CHN2: variants seen among roughly 807,000 people sequenced by gnomAD.
CHN2 encodes the protein chimerin 2, also known as beta-chimaerin.
In CHN2, 35 loss-of-function variants were observed where a neutral mutation model predicts 56.3. The observed-to-expected ratio is 0.62, with a 90% confidence interval of 0.47 to 0.82. The LOEUF is 0.82. Among genes scored for constraint, CHN2 ranks in the 40% least tolerant of loss-of-function variants. CHN2 has a pLI of 0.00. For synonymous variants in CHN2, 210 were observed against 212.8 expected (o/e 0.99, Z 0.12); for missense variants, 491 against 580.5 (o/e 0.85, Z 1.58).
intron 6 of CHN2, among the ~76,000 whole-genome samples, chr7:29,464,094 C>T (rs576251022): frequency 3.3e-4 from 50 of 152,218 alleles, no homozygotes; most frequent in Non-Finnish European, 2.9e-5. Flanking sequence ...GTTCAGGGTA[C>T]AGCAGGATGG....
intron 1 of CHN2, among the ~76,000 whole-genome samples, chr7:29,203,648 T>C (rs1784320887): frequency 6.6e-6 from 1 of 152,186 alleles, no homozygotes; most frequent in African/African-American, 2.4e-5. Flanking sequence ...CCAGTGAGAA[T>C]GTTCTAACCT....
intron 3 of CHN2, among the ~76,000 whole-genome samples, chr7:29,390,109 T>C (rs954101273): frequency 6.0e-5 from 9 of 150,370 alleles, no homozygotes; most frequent in Non-Finnish European, 1.2e-4. Flanking sequence ...CCATATACAG[T>C]GAAACCCTCT....
intron 1 of CHN2, among the ~76,000 whole-genome samples, chr7:29,248,568 G>A (rs908061338): frequency 2.4e-4 from 36 of 152,212 alleles, no homozygotes; most frequent in Non-Finnish European, 2.1e-4. Flanking sequence ...CCAAAACACA[G>A]TTCTGATCGT....
At chr7:29,441,326 C>T (rs918639641) in intron 6 of CHN2, among the ~76,000 whole-genome samples, 1 of 152,058 alleles carries the variant, frequency 6.6e-6, no homozygotes, top group Non-Finnish European at 1.5e-5. Context: ...GATCAACAAC[C>T]TAATATTGGA....
chr7:29,296,355 G>C (rs981962286), intron 1 of CHN2, among the ~76,000 whole-genome samples: 3 of 152,176 alleles, frequency 2.0e-5, no homozygotes, highest in Admixed American at 6.5e-5. Context: ...AAAGTGCTGG[G>C]ATTACAGGTG....
At chr7:29,204,220 G>A (rs559136004) in intron 1 of CHN2, among the ~76,000 whole-genome samples, 2 of 150,806 alleles carry the variant, frequency 1.3e-5, no homozygotes, top group Admixed American at 1.3e-4. Flanking sequence ...GTATGTGTGT[G>A]TATATATGTA....
chr7:29,209,939 A>G (rs1346844798), intron 1 of CHN2, among the ~76,000 whole-genome samples: 1 of 152,178 alleles, frequency 6.6e-6, no homozygotes, highest in African/African-American at 2.4e-5. Flanking sequence ...CGTAAAGATC[A>G]CTGGATGAGG....
At chr7:29,191,048 C>G (rs1353094488), upstream of CHN2, among the ~76,000 whole-genome samples, 1 of 152,088 alleles carries the variant, frequency 6.6e-6, no homozygotes, top group Non-Finnish European at 1.5e-5. Flanking sequence ...AATTCTCCCC[C>G]CTCAGCCTCC....
chr7:29,406,925 T>A (rs1307187522), intron 6 of CHN2, among the ~76,000 whole-genome samples: 6 of 152,146 alleles, frequency 3.9e-5, no homozygotes, highest in Non-Finnish European at 8.8e-5. Context: ...CAAGCACTGA[T>A]TGAATGAAAA....
At chr7:29,271,482 G>A (rs1196601471) in intron 1 of CHN2, among the ~76,000 whole-genome samples, 2 of 152,190 alleles carry the variant, frequency 1.3e-5, no homozygotes, top group African/African-American at 4.8e-5. Context: ...GTGTCTGTTT[G>A]GCTGGGTGCC....
At chr7:29,374,687 A>G (rs761271280) in intron 3 of CHN2, among the ~76,000 whole-genome samples, 2 of 152,206 alleles carry the variant, frequency 1.3e-5, no homozygotes, top group Non-Finnish European at 2.9e-5. Context: ...CCAAGACATA[A>G]GATGAGGCAA....
At chr7:29,413,238 G>A (rs544190655) in intron 6 of CHN2, among the ~76,000 whole-genome samples, 13 of 152,270 alleles carry the variant, frequency 8.5e-5, no homozygotes, top group African/African-American at 3.1e-4. Context: ...GTTTACACAT[G>A]CAACTTTGAT....
chr7:29,470,747 C>G (rs1022623382), intron 6 of CHN2, among the ~76,000 whole-genome samples: 5 of 152,216 alleles, frequency 3.3e-5, no homozygotes, highest in Admixed American at 3.3e-4. Flanking sequence ...AGGGATTTCC[C>G]AGGCTCCCCT....
At chr7:29,444,179 A>C (rs1416179681) in intron 6 of CHN2, among the ~76,000 whole-genome samples, 1 of 152,238 alleles carries the variant, frequency 6.6e-6, no homozygotes, top group Non-Finnish European at 1.5e-5. Context: ...AAATATTGGA[A>C]GTCTATATAT....
chr7:29,364,993 G>T, intron 2 of CHN2, among the ~76,000 whole-genome samples: 1 of 152,180 alleles, frequency 6.6e-6, no homozygotes, highest in Admixed American at 6.5e-5. Flanking sequence ...TTTTGGTTGT[G>T]TGTGTGTCTG....
At chr7:29,307,306 A>C (rs185367158) in intron 1 of CHN2, among the ~76,000 whole-genome samples, 1 of 152,368 alleles carries the variant, frequency 6.6e-6, no homozygotes, top group African/African-American at 2.4e-5. Flanking sequence ...TGGAGATCAG[A>C]TCTTTCAAAT....
chr7:29,270,234 T>A (rs1396004701), intron 1 of CHN2, among the ~76,000 whole-genome samples: 2 of 152,156 alleles, frequency 1.3e-5, no homozygotes, highest in African/African-American at 4.8e-5. Flanking sequence ...GTCTTATTGT[T>A]TCAGTCCCCA....
chr7:29,328,835 G>A (rs1448254959), intron 1 of CHN2, among the ~76,000 whole-genome samples: 2 of 152,044 alleles, frequency 1.3e-5, no homozygotes, highest in East Asian at 1.9e-4. Context: ...ACATGTTTTC[G>A]TAATTGGAAG....
chr7:29,404,326 T>A (rs1277977895), intron 6 of CHN2, among the ~76,000 whole-genome samples: 1 of 152,254 alleles, frequency 6.6e-6, no homozygotes, highest in African/African-American at 2.4e-5. Context: ...AACAGTGTTT[T>A]TGACAGCACA....
Sources: gnomAD v4.1 joint callset for allele counts (sites outside exome capture counted in the v4.1 genomes callset) on GRCh38, gnomAD v4.1.1 for gene constraint, MANE v1.5 for transcripts, NCBI Gene and HGNC (gene_info 2026-07-23, HGNC 2026-07-21) for gene names.